CPSF1: variants seen among roughly 807,000 people sequenced by gnomAD.
CPSF1 encodes cleavage and polyadenylation specificity factor subunit 1.
Under a neutral mutation model 175.8 loss-of-function variants are expected in CPSF1, and 106 were observed. The observed-to-expected ratio is 0.60, with a 90% confidence interval of 0.52 to 0.71. The LOEUF (loss-of-function observed/expected upper bound fraction) is 0.71. Ranked by LOEUF, CPSF1 falls within the 30% of genes least tolerant of loss-of-function variation. The pLI is 0.00. For missense variants in CPSF1, 1,734 were observed against 2,022.9 expected (o/e 0.86, Z 2.74); for synonymous variants, 1,024 against 858.3 (o/e 1.19, Z -3.37).
intron 2 of CPSF1, among the ~76,000 whole-genome samples, chr8:144,402,125 G>A (rs1443867705): frequency 2.6e-5 from 4 of 151,398 alleles, no homozygotes; most frequent in Admixed American, 1.3e-4. Flanking sequence ...GAAGCCCTGC[G>A]CTATCCTGAC....
intron 3 of CPSF1, 37 bp downstream of exon 3, chr8:144,401,609 G>T: frequency 2.5e-6 from 4 of 1,612,272 alleles, no homozygotes; most frequent in Non-Finnish European, 2.5e-6. Flanking sequence ...GCCATGCCTG[G>T]CACCCGCACA....
Position 144,398,562 on chromosome 8 carries a change from T to C in CPSF1, c.1715A>G (p.His572Arg). The C allele has an allele frequency of 1.2e-6, 2 of 1,613,874 alleles. No individual in the cohort carries two copies. Among genetic ancestry groups the C allele is most frequent in the Non-Finnish European group, 1.7e-6 (2 of 1,179,938 alleles). ...TPEADDDGRRHGFLILSREDS... is the reference protein window; with the variant it reads ...TPEADDDGRRRGFLILSREDS... Reference sequence around the variant, plus strand: ...TTCCCGGCTCAGAATCAGGAATCCGTGTCTGCGGCCGTCGTCGTCTGCTTC... The same window carrying C: ...TTCCCGGCTCAGAATCAGGAATCCGCGTCTGCGGCCGTCGTCGTCTGCTTC... Residue 572 changes from histidine (H) to arginine (R), a missense_variant, in exon 18 of 38, where the codon CAC becomes CGC. Coordinates refer to ENST00000616140, the MANE Select transcript of CPSF1 (RefSeq NM_013291.3).
intron 26 of CPSF1, 91 bp downstream of exon 26, chr8:144,396,257 G>A: frequency 7.6e-7 from 1 of 1,324,048 alleles, no homozygotes; most frequent in Non-Finnish European, 1.0e-6. Flanking sequence ...TCCTCAGGGT[G>A]GAGCCAATGG....
At position 144,401,691 on chromosome 8, in the gene CPSF1, A is replaced by T; in HGVS notation, c.145-18T>A. ...GTCAGAGCCTGGAGGGGAGAGAAAG[A>T]CAGGGCAGTGAGGGGCCACATCTGG... On this transcript the variant is annotated intron_variant, in intron 2 of 37. Coordinates refer to ENST00000616140, the MANE Select transcript of CPSF1 (RefSeq NM_013291.3). The T allele has an allele frequency of 2.5e-6, 4 of 1,601,026 alleles. No individual in the cohort carries two copies. Among genetic ancestry groups the T allele is most frequent in the Non-Finnish European group, 3.4e-6 (4 of 1,173,884 alleles).
In CPSF1 at chr8:144,399,119, C is replaced by A. The variant is rs2116859151; in HGVS notation, c.1467+9G>T. The A allele has an allele frequency of 6.4e-7, 1 of 1,559,238 alleles. No individual in the cohort carries two copies. Among genetic ancestry groups the A allele is most frequent in the Admixed American group, 1.9e-5 (1 of 52,306 alleles). ...CCCTGCCCCCAGCCCCGACCCCAAC[C>A]CTGGGCACCTCTTCAGAGAGGAAGG... is the stretch of plus-strand genomic sequence containing the variant. On this transcript the variant is annotated intron_variant, in intron 15 of 37. Transcript: ENST00000616140. This position sits in a 1 kb window ranked among gnomAD's most constrained non-coding sequence, Gnocchi z 6.4.
Position 144,396,403 on chromosome 8 carries a change from A to G in CPSF1, c.2924T>C (p.Phe975Ser), listed in dbSNP as rs1487361476. 2 of 1,591,178 alleles carry G rather than the reference A, an allele frequency of 1.3e-6. No individual in the cohort carries two copies. Among genetic ancestry groups the G allele is most frequent in the African/African-American group, 1.3e-5 (1 of 74,726 alleles). The change falls in exon 26 of 38, where the codon TTC (phenylalanine) becomes TCC (serine). Residue 975 changes from phenylalanine (F) to serine (S), a missense_variant. Coordinates refer to ENST00000616140, the MANE Select transcript of CPSF1 (RefSeq NM_013291.3). ...ACAGTTGACATTGTGGAATGGAGCGAAAGAGTCGACCGGGCCGTCGATGGC... is the reference window on the plus strand; with the variant it reads ...ACAGTTGACATTGTGGAATGGAGCGGAAGAGTCGACCGGGCCGTCGATGGC... ...PMAIDGPVDS[F>S]APFHNVNCPR... is the part of the protein sequence containing the mutation.
At position 144,398,350 on chromosome 8, in the gene CPSF1, G is replaced by A. The variant is rs2116849131; in HGVS notation, c.1846C>T (p.Arg616Cys). The stretch of plus-strand genomic sequence containing the variant: ...AGTGGTGACACTTGGACAATGTAGC[G>A]GTTGTCCCCGATGTTCCCAGCAAAG... ...TVFAGNIGDN[R>C]YIVQVSPLGI... The change falls in exon 19 of 38, where the codon CGC becomes TGC. Residue 616 changes from arginine (R) to cysteine (C), a missense_variant. Around this residue, in one of 10 missense-constraint regions of CPSF1, gnomAD observed 280 missense variants for 349.2 expected, o/e 0.80. Coordinates refer to ENST00000616140, the MANE Select transcript of CPSF1 (RefSeq NM_013291.3). 38 of 1,607,700 alleles carry A rather than the reference G, an allele frequency of 2.4e-5. No individual in the cohort carries two copies. The highest frequency in any genetic ancestry group is 1.7e-4 in the Middle Eastern group (1 of 6,060).
In CPSF1 at chr8:144,395,039, G is replaced by A; in HGVS notation, c.3273-16C>T. ...CAGCTCGATCCTGTGGGGGCCAGGG[G>A]CCTCAGGATGCTGCCTGGAGGCCTT... On this transcript the variant is annotated splice_polypyrimidine_tract_variant and intron_variant, in intron 29 of 37. Transcript: ENST00000616140. 1 of 1,604,956 alleles carries A rather than the reference G, an allele frequency of 6.2e-7. No homozygotes were observed.
chr8:144,396,922 A>T lies in CPSF1; in HGVS notation c.2600T>A (p.Val867Glu). ...CTCGTAGATAAGCAGCTCTTGGTCCACATGCACCTGGCAGGATGAGGGGAG... is the reference window on the plus strand; with the variant it reads ...CTCGTAGATAAGCAGCTCTTGGTCCTCATGCACCTGGCAGGATGAGGGGAG... ...RQSRPYLLVH[V>E]DQELLIYEAF... Residue 867 changes from valine to glutamate, a missense_variant, in exon 24 of 38, where the codon GTG becomes GAG. By Grantham distance (121) the Val-to-Glu change is moderately radical. Around this residue, in one of 10 missense-constraint regions of CPSF1, gnomAD observed 585 missense variants for 584.7 expected, o/e 1.00. Coordinates refer to ENST00000616140, the MANE Select transcript of CPSF1 (RefSeq NM_013291.3). The T allele has an allele frequency of 6.2e-7, 1 of 1,612,388 alleles. No homozygotes were observed. Among genetic ancestry groups the T allele is most frequent in the Non-Finnish European group, 8.5e-7 (1 of 1,178,950 alleles).
intron 2 of CPSF1, 90 bp downstream of exon 2, chr8:144,408,925 G>T: frequency 6.7e-7 from 1 of 1,488,308 alleles, no homozygotes; most frequent in Non-Finnish European, 9.2e-7. Flanking sequence ...CACTCAACTT[G>T]TCTGGGGCTT....
At position 144,409,185 on chromosome 8, in the gene CPSF1, G is replaced by C; in HGVS notation, c.-14-13C>G. On this transcript the variant is annotated splice_polypyrimidine_tract_variant and intron_variant, in intron 1 of 37. Coordinates refer to ENST00000616140, the MANE Select transcript of CPSF1 (RefSeq NM_013291.3). ...GCGCCAACCCGGGCTGCGCAAGGCC[G>C]GGAGAGGAAGGGTGAGCGGGGTCGC... 1.3e-6 allele frequency: 2 copies of C among 1,576,722 alleles called. No homozygotes were observed. Among genetic ancestry groups the C allele is most frequent in the South Asian group, 1.1e-5 (1 of 87,550 alleles).
In CPSF1 at chr8:144,395,314, G is replaced by A. The variant is rs1198832589; in HGVS notation, c.3138C>T (p.Arg1046=). Residue 1046 remains arginine (R), a synonymous_variant, in exon 28 of 38, where the codon CGC becomes CGT. Transcript: ENST00000616140. ...VATSTNTPCA[R]IPRMTGEEKE... is the part of the protein sequence containing the mutation. ...TCTCCTCGCCAGTCATGCGTGGGATGCGGGCACACGGCGTGTTGGTGCTGG... is the reference window on the plus strand; with the variant it reads ...TCTCCTCGCCAGTCATGCGTGGGATACGGGCACACGGCGTGTTGGTGCTGG... 3 of 1,613,394 alleles carry A rather than the reference G, an allele frequency of 1.9e-6. No individual in the cohort carries two copies. Among genetic ancestry groups the A allele is most frequent in the Non-Finnish European group, 2.5e-6 (3 of 1,179,980 alleles).
chr8:144,404,241 A>T (rs1369047626), intron 2 of CPSF1, among the ~76,000 whole-genome samples: 1 of 152,004 alleles, frequency 6.6e-6, no homozygotes, highest in African/African-American at 2.4e-5. Context: ...CAAACAAAAA[A>T]AGAAGTTTTC....
chr8:144,406,834 G>A (rs1821520284), intron 2 of CPSF1, among the ~76,000 whole-genome samples: 1 of 152,236 alleles, frequency 6.6e-6, no homozygotes, highest in Non-Finnish European at 1.5e-5. Context: ...TGCAGTGAAT[G>A]CTGGGAGGTG....
intron 9 of CPSF1, 31 bp downstream of exon 9, chr8:144,400,135 G>GGGGGGGCGCCCCC: frequency 4.5e-6 from 4 of 896,002 alleles, no homozygotes; most frequent in Non-Finnish European, 6.4e-6. Context: ...CCGTCCCCGG[G>GGGGGGGCGCCCCC]CCCCCCCCGC....
rs1226205314 is a variant in CPSF1 at position 144,405,847 on chromosome 8, C to G, written c.144+3168G>C. On this transcript the variant is annotated intron_variant, in intron 2 of 37. Transcript: ENST00000616140. Reference sequence around the variant, plus strand: ...AACACCACCATGCTGCCAGGAAAACCAAGCTAGCCATGCTGGGGACAGGGG... The same window carrying G: ...AACACCACCATGCTGCCAGGAAAACGAAGCTAGCCATGCTGGGGACAGGGG... 6.6e-5 allele frequency among the ~76,000 whole-genome samples: 10 copies of G among 152,262 alleles called. No individual in the cohort carries two copies. The East Asian group carries it at 1.7e-3, about 26-fold the overall frequency.
intron 2 of CPSF1, among the ~76,000 whole-genome samples, chr8:144,401,989 C>T (rs554772552): frequency 6.6e-6 from 1 of 152,192 alleles, no homozygotes; most frequent in Admixed American, 6.5e-5. Context: ...CTGCACACCC[C>T]CAAACCTGCC....
chr8:144,397,535 T>C lies in CPSF1; in HGVS notation c.2337A>G (p.Ala779=), dbSNP rs781947828. Residue 779 remains alanine, a synonymous_variant, in exon 22 of 38, where the codon GCA becomes GCG. Coordinates refer to ENST00000616140, the MANE Select transcript of CPSF1 (RefSeq NM_013291.3). ...PADRDPAPFR[A]EPTHWCLLVR... ...CCAGCAGGCACCAGTGGGTAGGCTC[T>C]GCCCGGAAGGGTGCAGGGTCCCGGT... is the stretch of plus-strand genomic sequence containing the variant. 6.4e-7 allele frequency: 1 copy of C among 1,572,848 alleles called. No homozygotes were observed. The highest frequency in any genetic ancestry group is 8.7e-7 in the Non-Finnish European group (1 of 1,153,878).
chr8:144,400,144 G>GCCCC lies in CPSF1; in HGVS notation c.937+18_937+21dup, dbSNP rs1194072613. 2.9e-4 allele frequency: 306 copies of GCCCC among 1,070,444 alleles called. 10 individuals are homozygous for GCCCC. The highest frequency in any genetic ancestry group is 3.4e-4 in the Non-Finnish European group (279 of 808,968). 66.3% of individuals were successfully genotyped at this position (1,070,444 alleles called of 1,614,324 possible). A position where few individuals can be genotyped will look rare whatever the true frequency, so the allele number is the denominator to read the frequency against. On this transcript the variant is annotated intron_variant, in intron 9 of 37. Transcript: ENST00000616140. ...CCCAAGCCGTCCCCGGGCCCCCCCC[G>GCCCC]CCCCAGCCACCCCACACTCACGAAG...
Sources: allele counts gnomAD v4.1 joint callset (sites outside exome capture counted in the v4.1 genomes callset), GRCh38; gene constraint gnomAD v4.1.1; regional missense constraint gnomAD v4.1.1; non-coding constraint Gnocchi (gnomAD v3.1); transcripts MANE v1.5; gene names NCBI Gene and HGNC (gene_info 2026-07-23, HGNC 2026-07-21).